The following CASD1 variants were observed in gnomAD, a reference collection of about 807,000 sequenced individuals.
The protein encoded by CASD1 is N-acetylneuraminate (7)9-O-acetyltransferase.
A neutral mutation model predicts 100.0 loss-of-function variants in CASD1; 41 were observed. The observed-to-expected ratio is 0.41, with a 90% confidence interval of 0.32 to 0.53. CASD1 has a LOEUF of 0.53. CASD1 is among the 20% of genes least tolerant of loss of function. The pLI is 0.25. For synonymous variants in CASD1, 321 were observed against 315.6 expected, an observed-to-expected ratio of 1.02 and a Z score of -0.18; for missense variants, 774 against 948.7, an observed-to-expected ratio of 0.82 and a Z score of 2.42.
chr7:94,559,276 CTGTGTGTGTG>C (rs377655712), downstream of CASD1, among the ~76,000 whole-genome samples: 17 of 137,598 alleles, frequency 1.2e-4, no homozygotes, highest in South Asian at 5.1e-4. Context: ...GTATATATGT[CTGTGTGTGTG>C]TGTGTGTGTG....
At chr7:94,606,463 C>T in the CASD1 span, among the ~76,000 whole-genome samples, 1 of 152,128 alleles carries the variant, frequency 6.6e-6, no homozygotes. Context: ...CATAACAGTG[C>T]ATCAAATTAC....
intron 7 of CASD1, among the ~76,000 whole-genome samples, chr7:94,534,159 A>ATTTTTTTTTTTTTTTTTTTTTTTTTTTTT (rs56864121): frequency 9.9e-6 from 1 of 100,538 alleles, no homozygotes; most frequent in African/African-American, 3.9e-5. Context: ...CTGTTTCATA[A>ATTTTTTTTTTTTTTTTTTTTTTTTTTTTT]TTTTTTTTTT....
chr7:94,526,859 T>C (rs193033996), intron 3 of CASD1, among the ~76,000 whole-genome samples: 1 of 152,178 alleles, frequency 6.6e-6, no homozygotes, highest in Admixed American at 6.5e-5. Flanking sequence ...ATCCTGGCAA[T>C]CTTGGCAAAA....
intron 3 of CASD1, among the ~76,000 whole-genome samples, chr7:94,521,378 A>T (rs560527545): frequency 2.0e-5 from 3 of 152,330 alleles, no homozygotes; most frequent in African/African-American, 7.2e-5. Context: ...ATGTTTGTAT[A>T]AAATAATAAT....
the CASD1 span, chr7:94,600,979 CT>C: frequency 1.3e-6 from 1 of 797,330 alleles, no homozygotes; most frequent in Non-Finnish European, 2.1e-6. Flanking sequence ...TTTCCAATTA[CT>C]TTATCACCTC....
At chr7:94,587,870 C>G in the CASD1 span, 1 of 1,521,126 alleles carries the variant, frequency 6.6e-7, no homozygotes, top group Non-Finnish European at 8.8e-7. Context: ...ACATCCAACA[C>G]ATTTCTGAAT....
chr7:94,541,845 T>C (rs1053141105), intron 10 of CASD1, among the ~76,000 whole-genome samples: 1 of 152,106 alleles, frequency 6.6e-6, no homozygotes, highest in Non-Finnish European at 1.5e-5. Context: ...ACCATCCTTT[T>C]TTCCTAAGAC....
intron 1 of CASD1, among the ~76,000 whole-genome samples, chr7:94,512,316 T>A (rs1171792847): frequency 6.6e-6 from 1 of 152,172 alleles, no homozygotes; most frequent in East Asian, 1.9e-4. Context: ...TTGGGCTGCA[T>A]TCAAAGCCAT....
In CASD1 at chr7:94,551,363, CT is replaced by C; in HGVS notation, c.1845del (p.Phe615LeufsTer34). 6.5e-7 allele frequency: 1 copy of C among 1,539,990 alleles called. No individual in the cohort carries two copies. Among genetic ancestry groups the C allele is most frequent in the Non-Finnish European group, 8.7e-7 (1 of 1,152,052 alleles). ...GTAGTTTTCCACGGAATGCTGTTTG[CT>C]TTTATTTATCTGGCTTTGCAGAAGC... is the stretch of plus-strand genomic sequence containing the variant. ...RYVVFHGMLF[A>X]FIYLALQKRQ... On this transcript the variant is annotated frameshift_variant, in exon 15 of 18. Coordinates refer to ENST00000297273, the MANE Select transcript of CASD1 (RefSeq NM_022900.5). LOFTEE classifies it high-confidence loss of function.
At chr7:94,597,551 A>G in the CASD1 span, 1 of 150,098 alleles carries the variant, frequency 6.7e-6, no homozygotes, top group Non-Finnish European at 1.5e-5. Flanking sequence ...GTCTGTGTGT[A>G]TGAGAGAGAG....
At chr7:94,516,373 A>T (rs975359249) in intron 1 of CASD1, among the ~76,000 whole-genome samples, 1 of 152,172 alleles carries the variant, frequency 6.6e-6, no homozygotes, top group Non-Finnish European at 1.5e-5. Flanking sequence ...TTTTGGCTAG[A>T]TAATGAGTAA....
chr7:94,597,106 A>G, the CASD1 span: 1 of 152,104 alleles, frequency 6.6e-6, no homozygotes. Flanking sequence ...ACCACCAGAG[A>G]GCATAGAAAC....
At chr7:94,630,035 A>G in the CASD1 span, 1 of 577,184 alleles carries the variant, frequency 1.7e-6, no homozygotes, top group Non-Finnish European at 3.0e-6. Flanking sequence ...ATGGGAAAAA[A>G]TTCTTTTGAT....
intron 11 of CASD1, among the ~76,000 whole-genome samples, chr7:94,545,014 A>G (rs1167711794): frequency 6.6e-6 from 1 of 152,126 alleles, no homozygotes; most frequent in African/African-American, 2.4e-5. Flanking sequence ...GTGGTACAGC[A>G]CTAGTAAAAA....
chr7:94,544,382 A>G, intron 10 of CASD1, 29 bp from the exon 11 acceptor site: 1 of 1,611,114 alleles, frequency 6.2e-7, no homozygotes, highest in Non-Finnish European at 8.5e-7. Flanking sequence ...ATGCCAACAT[A>G]TGTTTTACCT....
At chr7:94,554,283 G>A (rs765241356) in intron 16 of CASD1, 200 bp from the exon 17 acceptor site, 28 of 450,436 alleles carry the variant, frequency 6.2e-5, no homozygotes, top group South Asian at 1.1e-4. Context: ...GCAGCATACC[G>A]ACCATGTGTT....
the CASD1 span, among the ~76,000 whole-genome samples, chr7:94,563,992 T>C: frequency 6.6e-6 from 1 of 152,208 alleles, no homozygotes; most frequent in Non-Finnish European, 1.5e-5. Context: ...ATAACCAGTT[T>C]ATGAGCATGA....
intron 10 of CASD1, among the ~76,000 whole-genome samples, chr7:94,541,813 T>C (rs975592639): frequency 8.5e-5 from 13 of 152,082 alleles, no homozygotes; most frequent in African/African-American, 3.1e-4. Context: ...GGTATGGTAA[T>C]GATAATGTGG....
At chr7:94,631,752 G>C in the CASD1 span, among the ~76,000 whole-genome samples, 2 of 151,876 alleles carry the variant, frequency 1.3e-5, no homozygotes, top group Non-Finnish European at 2.9e-5. Flanking sequence ...AAAATAGGGA[G>C]TTTTGAACTC....
Sources: gnomAD v4.1 joint callset for allele counts (sites outside exome capture counted in the v4.1 genomes callset) on GRCh38, gnomAD v4.1.1 for gene constraint, MANE v1.5 for transcripts, NCBI Gene and HGNC (gene_info 2026-07-23, HGNC 2026-07-21) for gene names.